Variants in MRPL21 observed in about 807,000 individuals in gnomAD.
MRPL21 encodes large ribosomal subunit protein bL21m.
MRPL21 carries 20 observed loss-of-function variants against 27.3 expected under a neutral mutation model. The observed-to-expected ratio is 0.73, with a 90% CI of 0.52 to 1.06. The LOEUF is 1.06. Ranked by LOEUF, MRPL21 falls within the 50% of genes least tolerant of loss-of-function variation. The probability of loss-of-function intolerance (pLI) is 0.00; values close to 1 mark genes in which losing one functional copy is unlikely to be tolerated. For synonymous variants in MRPL21, 98 were observed against 101.5 expected (o/e 0.97, Z 0.21); for missense variants, 249 against 251.4 (o/e 0.99, Z 0.06).
chr11:68,896,319 G>T, intron 4 of MRPL21, 196 bp downstream of exon 4: 1 of 658,102 alleles, frequency 1.5e-6, no homozygotes, highest in Non-Finnish European at 2.6e-6. Context: ...CGCCCTCAGA[G>T]CAGTGGAAGC....
chr11:68,892,649 G>C, intron 6 of MRPL21: 1 of 1,449,434 alleles, frequency 6.9e-7, no homozygotes, highest in South Asian at 1.4e-5. Flanking sequence ...GTCACGTGCG[G>C]AGCGTGGAGG....
At chr11:68,891,860 G>T in intron 6 of MRPL21, 2 of 475,482 alleles carry the variant, frequency 4.2e-6, no homozygotes, top group Non-Finnish European at 7.3e-6. Context: ...AGCAAGAGCT[G>T]TGAGGGACAG....
At chr11:68,895,032 A>C (rs1472950172) in intron 4 of MRPL21, among the ~76,000 whole-genome samples, 1 of 152,212 alleles carries the variant, frequency 6.6e-6, no homozygotes, top group African/African-American at 2.4e-5. Flanking sequence ...TGGGAGGCCG[A>C]GGCGGGCAGA....
chr11:68,896,281 C>T (rs1457826467), intron 4 of MRPL21, among the ~76,000 whole-genome samples: 4 of 152,224 alleles, frequency 2.6e-5, no homozygotes, highest in Admixed American at 1.3e-4. Context: ...TCCCTTCCTC[C>T]AGGGAGCAGA....
At chr11:68,903,456 G>A (rs796578715) in intron 1 of MRPL21, among the ~76,000 whole-genome samples, 2 of 152,306 alleles carry the variant, frequency 1.3e-5, no homozygotes, top group East Asian at 1.9e-4. Context: ...CCCTGGGCAC[G>A]TTACCTAGCT....
intron 6 of MRPL21, chr11:68,891,742 T>C (rs535559): frequency 0.59 from 308,661 of 520,268 alleles, 92,205 homozygotes; most frequent in South Asian, 0.67. Flanking sequence ...AGAAGGTACA[T>C]GAGAGGCTCC....
Position 68,896,656 on chromosome 11 carries a change from C to T in MRPL21, c.255G>A (p.Glu85=), listed in dbSNP as rs770707073. 59 of 1,614,078 alleles carry T rather than the reference C, an allele frequency of 3.7e-5. 2 individuals are homozygous for T. The South Asian group carries it at 6.5e-4, about 18-fold the overall frequency. Residue 85 remains glutamate (E), a synonymous_variant, in exon 4 of 7, where the codon GAG becomes GAA. Transcript: ENST00000362034. ...TGCCATACTGCCCCGTGACGATCAT[C>T]TCATTCACCTTCTTCACGACCTCTG... ...HHAEVVKKVN[E]MIVTGQYGRL...
Position 68,896,599 on chromosome 11 carries a change from G to A in MRPL21, c.312C>T (p.Arg104=), listed in dbSNP as rs760625100. ...GGTCTTCAGAGGTCACCTTCCACTG[G>A]CGGCTGGCAAAGTGCACCACGGCAA... The part of the protein sequence containing the change: ...RLFAVVHFAS[R]QWKVTSEDLI... Residue 104 remains arginine, a synonymous_variant, in exon 4 of 7, where the codon CGC becomes CGT. Transcript: ENST00000362034. The A allele has an allele frequency of 6.2e-7, 1 of 1,614,236 alleles. No individual in the cohort carries two copies. The highest frequency in any genetic ancestry group is 8.5e-7 in the Non-Finnish European group (1 of 1,180,042).
At position 68,896,370 on chromosome 11, in the gene MRPL21, C is replaced by A. The variant is rs554276155; in HGVS notation, c.396+145G>T. On this transcript the variant is annotated intron_variant, in intron 4 of 6. Coordinates refer to ENST00000362034, the MANE Select transcript of MRPL21 (RefSeq NM_181514.2). ...ACCCCAGCCCCGCCGTGGGCGCCCC[C>A]CAAAGTCCCTTCTGAGCCTCAGCTT... is the stretch of plus-strand genomic sequence containing the variant. 63 of 1,115,340 alleles carry A rather than the reference C, an allele frequency of 5.6e-5. No homozygotes were observed. The South Asian group carries it at 7.8e-4, about 14-fold the overall frequency. 69.1% of individuals were successfully genotyped at this position (1,115,340 alleles called of 1,614,324 possible).
intron 1 of MRPL21, 40 bp from the exon 2 acceptor site, chr11:68,900,645 C>T (rs370356485): frequency 1.3e-6 from 2 of 1,555,604 alleles, no homozygotes; most frequent in African/African-American, 1.4e-5. Flanking sequence ...ACCATTAATA[C>T]TACAAATGCA....
At chr11:68,903,278 C>A (rs1343480997) in intron 1 of MRPL21, among the ~76,000 whole-genome samples, 1 of 152,190 alleles carries the variant, frequency 6.6e-6, no homozygotes, top group Non-Finnish European at 1.5e-5. Context: ...ATCAGCCCAG[C>A]GCCTTAAATA....
intron 3 of MRPL21, 63 bp from the exon 4 acceptor site, chr11:68,896,741 G>A (rs1171290636): frequency 6.3e-7 from 1 of 1,592,316 alleles, no homozygotes; most frequent in Non-Finnish European, 8.6e-7. Context: ...GCTGCAGTGT[G>A]ATGTGCAGCT....
chr11:68,901,325 GTGTGAGTTAATAAA>G (rs1277718925), intron 1 of MRPL21, among the ~76,000 whole-genome samples: 1 of 152,174 alleles, frequency 6.6e-6, no homozygotes, highest in African/African-American at 2.4e-5. Flanking sequence ...CTCAGAACTG[GTGTGAGTTAATAAA>G]TGTTTTAAGC....
chr11:68,893,025 C>A (rs1857691763), intron 5 of MRPL21, 32 bp from the exon 6 acceptor site: 1 of 1,513,454 alleles, frequency 6.6e-7, no homozygotes, highest in Non-Finnish European at 8.8e-7. Context: ...AATAATGTAC[C>A]TTTTGGATTA....
rs772825939 is a variant in MRPL21, at chr11:68,896,646, T to C, written c.265A>G (p.Thr89Ala). Residue 89 changes from threonine to alanine, a missense_variant, in exon 4 of 7, where the codon ACG becomes GCG. Coordinates refer to ENST00000362034, the MANE Select transcript of MRPL21 (RefSeq NM_181514.2). ...VVKKVNEMIV[T>A]GQYGRLFAVV... ...GCAAAGAGCCTGCCATACTGCCCCG[T>C]GACGATCATCTCATTCACCTTCTTC... 1.9e-6 allele frequency: 3 copies of C among 1,614,050 alleles called. No individual in the cohort carries two copies. Among genetic ancestry groups the C allele is most frequent in the East Asian group, 4.5e-5 (2 of 44,894 alleles).
chr11:68,893,940 G>A (rs184533849), intron 4 of MRPL21, among the ~76,000 whole-genome samples: 36 of 152,172 alleles, frequency 2.4e-4, no homozygotes, highest in African/African-American at 8.2e-4. Flanking sequence ...TGGGCGTGGC[G>A]GCATGCACCT....
Position 68,891,405 on chromosome 11 carries a change from A to T in MRPL21, c.554-10T>A. ...TGCGGGGTCGTGACGACTGAAAGAA[A>T]GGATGTCACAGGCTTGACCACAGAC... On this transcript the variant is annotated splice_polypyrimidine_tract_variant and intron_variant, in intron 6 of 6. Coordinates refer to ENST00000362034, the MANE Select transcript of MRPL21 (RefSeq NM_181514.2). The T allele has an allele frequency of 6.2e-7, 1 of 1,613,856 alleles. No homozygotes were observed. The highest frequency in any genetic ancestry group is 8.5e-7 in the Non-Finnish European group (1 of 1,179,906).
Position 68,898,073 on chromosome 11 carries a change from T to G in MRPL21, c.147-61A>C. 7 of 1,336,782 alleles carry G rather than the reference T, an allele frequency of 5.2e-6. No individual in the cohort carries two copies. In the South Asian group the frequency reaches 7.2e-5, roughly 14 times the overall value. The allele number at this position is 1,336,782 out of a possible 1,614,324, so 82.8% of individuals were successfully genotyped here. Reference sequence around the variant, plus strand: ...ACCTGAAAAGGCAGCTCAAATCCTCTAAGAAATGGCCACACACAAATGTTA... The same window carrying G: ...ACCTGAAAAGGCAGCTCAAATCCTCGAAGAAATGGCCACACACAAATGTTA... On this transcript the variant is annotated intron_variant, in intron 2 of 6. Transcript: ENST00000362034.
chr11:68,902,048 C>T (rs1857951079), intron 1 of MRPL21, among the ~76,000 whole-genome samples: 2 of 152,184 alleles, frequency 1.3e-5, no homozygotes, highest in Admixed American at 1.3e-4. Flanking sequence ...TTTGGGTCCC[C>T]AGGGAACAAA....
Sources: gnomAD v4.1 joint callset for allele counts (sites outside exome capture counted in the v4.1 genomes callset) on GRCh38, gnomAD v4.1.1 for gene constraint, MANE v1.5 for transcripts, NCBI Gene and HGNC (gene_info 2026-07-23, HGNC 2026-07-21) for gene names.